The following ADGRG7 variants were observed in gnomAD, a reference collection of about 807,000 sequenced individuals.
ADGRG7 encodes the protein adhesion G protein-coupled receptor G7, also known as G-protein coupled receptor 128.
ADGRG7 carries 82 observed loss-of-function variants against 88.6 expected under a neutral mutation model. That is an observed-to-expected ratio of 0.93 (90% CI 0.77 to 1.11). The LOEUF is 1.11. Ranked by LOEUF, ADGRG7 falls within the 50% of genes most tolerant of loss-of-function variation. The pLI is 0.00. For synonymous variants in ADGRG7, 381 were observed against 345.2 expected (o/e 1.10, Z -1.15); for missense variants, 945 against 953.4 (o/e 0.99, Z 0.12).
At chr3:100,676,692 T>C (rs1260566867) in intron 15 of ADGRG7, among the ~76,000 whole-genome samples, 1 of 151,984 alleles carries the variant, frequency 6.6e-6, no homozygotes, top group African/African-American at 2.4e-5. Context: ...ATGCTGAAAA[T>C]AGGGTGTTGA....
At chr3:100,670,949 C>A (rs2094957557) in intron 15 of ADGRG7, among the ~76,000 whole-genome samples, 1 of 152,168 alleles carries the variant, frequency 6.6e-6, no homozygotes, top group Non-Finnish European at 1.5e-5. Flanking sequence ...TCCAGTCTAT[C>A]ATTGATGGGC....
intron 15 of ADGRG7, among the ~76,000 whole-genome samples, chr3:100,673,450 TTC>T (rs2094961138): frequency 6.8e-6 from 1 of 147,638 alleles, no homozygotes; most frequent in Admixed American, 7.0e-5. Flanking sequence ...TGTTTGATTC[TTC>T]TCTCTTTTCT....
chr3:100,620,075 T>C (rs963916244), intron 1 of ADGRG7, among the ~76,000 whole-genome samples: 7 of 152,210 alleles, frequency 4.6e-5, no homozygotes, highest in Admixed American at 1.3e-4. Context: ...AGCCTCATCC[T>C]GTTACCAAAG....
At chr3:100,620,870 C>T (rs1248018083) in intron 1 of ADGRG7, among the ~76,000 whole-genome samples, 1 of 151,404 alleles carries the variant, frequency 6.6e-6, no homozygotes, top group Non-Finnish European at 1.5e-5. Context: ...TGTGGCAACT[C>T]TGTGTCAAGC....
chr3:100,654,199 G>A (rs1021674035), intron 11 of ADGRG7: 1 of 152,182 alleles, frequency 6.6e-6, no homozygotes, highest in Admixed American at 6.5e-5. Flanking sequence ...TTTATACTAG[G>A]TTGTCTCACG....
At chr3:100,659,013 C>T (rs376885467) in intron 13 of ADGRG7, among the ~76,000 whole-genome samples, 10 of 151,958 alleles carry the variant, frequency 6.6e-5, no homozygotes, top group African/African-American at 9.7e-5. Flanking sequence ...GAGAAAAAAA[C>T]GCCACTACAA....
At chr3:100,628,117 C>A (rs772371048) in intron 1 of ADGRG7, among the ~76,000 whole-genome samples, 2 of 152,110 alleles carry the variant, frequency 1.3e-5, no homozygotes, top group Non-Finnish European at 2.9e-5. Flanking sequence ...CATACCTTAA[C>A]CCATTAAGAC....
intron 3 of ADGRG7, 36 bp downstream of exon 3, chr3:100,630,845 G>A (rs1427366221): frequency 8.8e-7 from 1 of 1,131,644 alleles, no homozygotes; most frequent in Non-Finnish European, 1.2e-6. Flanking sequence ...CTATGCATAA[G>A]AATTACTATG....
At chr3:100,691,747 A>G (rs1421262123) in intron 15 of ADGRG7, among the ~76,000 whole-genome samples, 1 of 122,448 alleles carries the variant, frequency 8.2e-6, no homozygotes, top group Non-Finnish European at 1.9e-5. Context: ...AGCCTTATTA[A>G]CTATCAACTA....
intron 4 of ADGRG7, chr3:100,635,456 A>T: frequency 1.0e-6 from 1 of 978,004 alleles, no homozygotes; most frequent in Non-Finnish European, 1.4e-6. Context: ...AGCCCCTTAT[A>T]GTTAATCAAT....
At chr3:100,614,741 A>G (rs1707200944) in intron 1 of ADGRG7, among the ~76,000 whole-genome samples, 1 of 152,190 alleles carries the variant, frequency 6.6e-6, no homozygotes, top group Non-Finnish European at 1.5e-5. Context: ...AAACTTTTCA[A>G]AGCAGACTCT....
intron 1 of ADGRG7, among the ~76,000 whole-genome samples, chr3:100,628,708 T>G (rs1707416819): frequency 6.6e-6 from 1 of 152,164 alleles, no homozygotes; most frequent in Non-Finnish European, 1.5e-5. Context: ...TTTTACAATT[T>G]AGAAACTCTG....
At chr3:100,660,735 C>G (rs1351431209) in intron 14 of ADGRG7, among the ~76,000 whole-genome samples, 2 of 151,948 alleles carry the variant, frequency 1.3e-5, no homozygotes, top group African/African-American at 4.8e-5. Flanking sequence ...GGTGGATCAC[C>G]TGAGCTTGGT....
intron 15 of ADGRG7, among the ~76,000 whole-genome samples, chr3:100,676,931 G>A (rs1048804429): frequency 8.6e-5 from 13 of 151,564 alleles, no homozygotes; most frequent in East Asian, 5.8e-4. Flanking sequence ...GCTCTTTTTC[G>A]GTTTCTGTGG....
At chr3:100,664,084 G>A (rs959113318) in intron 14 of ADGRG7, among the ~76,000 whole-genome samples, 6 of 151,808 alleles carry the variant, frequency 4.0e-5, no homozygotes, top group African/African-American at 9.7e-5. Flanking sequence ...GCAGATAGTC[G>A]GAATTTTTAA....
chr3:100,645,971 G>A lies in ADGRG7; in HGVS notation c.973G>A (p.Val325Ile). 4 of 1,613,870 alleles carry A rather than the reference G, an allele frequency of 2.5e-6. No homozygotes were observed. The highest frequency in any genetic ancestry group is 3.4e-6 in the Non-Finnish European group (4 of 1,179,936). Residue 325 changes from valine to isoleucine, a missense_variant, in exon 9 of 16, where the codon GTT becomes ATT. Val to Ile is a conservative substitution (Grantham distance 29). Transcript: ENST00000273352. ...TTACACCAAGACATGCGGCTTTGTA[G>A]TTTATCAAAATGACAAGCTTTTCCA... ...KNYTKTCGFV[V>I]YQNDKLFQSK...
At chr3:100,675,003 C>T (rs1398194273) in intron 15 of ADGRG7, among the ~76,000 whole-genome samples, 1 of 151,554 alleles carries the variant, frequency 6.6e-6, no homozygotes, top group African/African-American at 2.4e-5. Flanking sequence ...CTTGTGGAGT[C>T]TAGTTTTCTC....
chr3:100,651,009 A>G (rs887889343), intron 11 of ADGRG7, among the ~76,000 whole-genome samples: 1 of 152,180 alleles, frequency 6.6e-6, no homozygotes, highest in Non-Finnish European at 1.5e-5. Context: ...CAAAAGCAAA[A>G]TGATCATCTT....
chr3:100,618,059 GGTT>G (rs928093970), intron 1 of ADGRG7, among the ~76,000 whole-genome samples: 7 of 152,052 alleles, frequency 4.6e-5, no homozygotes, highest in African/African-American at 1.7e-4. Flanking sequence ...TTTTTGATGG[GGTT>G]GTTTGTTTTT....
Sources: gnomAD v4.1 joint callset for allele counts (sites outside exome capture counted in the v4.1 genomes callset) on GRCh38, gnomAD v4.1.1 for gene constraint, MANE v1.5 for transcripts, NCBI Gene and HGNC (gene_info 2026-07-23, HGNC 2026-07-21) for gene names.